The following ANKRD36C variants were observed in gnomAD, a reference collection of about 807,000 sequenced individuals.
The protein encoded by ANKRD36C is ankyrin repeat domain 36C.
ANKRD36C carries 61 observed loss-of-function variants against 276.4 expected under a neutral mutation model. That is an observed-to-expected ratio of 0.22 (90% confidence interval 0.18 to 0.27). The LOEUF is 0.27. Among genes scored for constraint, ANKRD36C ranks in the 10% least tolerant of loss-of-function variants. The pLI is 1.00. For missense variants in ANKRD36C, 1,447 were observed against 2,032.3 expected (o/e 0.71, Z 5.54); for synonymous variants, 483 against 680.1 (o/e 0.71, Z 4.51).
At chr2:95,961,955 G>A (rs1219425468) in intron 8 of ANKRD36C, among the ~76,000 whole-genome samples, 2 of 151,830 alleles carry the variant, frequency 1.3e-5, no homozygotes, top group Non-Finnish European at 2.9e-5. Context: ...TTTCTACATT[G>A]TTTATGGGTT....
rs1356587525 is a variant in ANKRD36C, at chr2:95,960,457, T to C, written c.1003+16A>G. 3 of 1,540,184 alleles carry C rather than the reference T, an allele frequency of 1.9e-6. No individual in the cohort carries two copies. The highest frequency in any genetic ancestry group is 2.4e-5 in the East Asian group (1 of 40,878). ...TCTTCAGTGAACGTGGCATTAAATGTGTATTGCAAAATTACCTGTCCCAGA... is the reference window on the plus strand; with the variant it reads ...TCTTCAGTGAACGTGGCATTAAATGCGTATTGCAAAATTACCTGTCCCAGA... On this transcript the variant is annotated intron_variant, in intron 10 of 66. Coordinates refer to ENST00000456556, the Ensembl canonical transcript of ANKRD36C.
intron 6 of ANKRD36C, among the ~76,000 whole-genome samples, chr2:95,968,218 T>G (rs554283423): frequency 1.3e-5 from 2 of 152,314 alleles, no homozygotes; most frequent in South Asian, 4.1e-4. Flanking sequence ...AGAAACATAC[T>G]TGGAGGCTAT....
Position 95,859,847 on chromosome 2 carries a change from A to G in ANKRD36C, c.3896+14T>C. The G allele has an allele frequency of 6.5e-7, 1 of 1,548,276 alleles. No individual in the cohort carries two copies. Among genetic ancestry groups the G allele is most frequent in the Non-Finnish European group, 8.7e-7 (1 of 1,145,940 alleles). ...AACAAACAGTTCAAACATTTATTTA[A>G]AACTAGGTCATACCTCAAACTACAG... On this transcript the variant is annotated intron_variant, in intron 61 of 66. Coordinates refer to ENST00000456556, the Ensembl canonical transcript of ANKRD36C.
intron 44 of ANKRD36C, among the ~76,000 whole-genome samples, chr2:95,894,782 G>A (rs1412534679): frequency 6.6e-6 from 1 of 151,264 alleles, no homozygotes; most frequent in Non-Finnish European, 1.5e-5. Context: ...GCCAATTCAA[G>A]AAATGTTTCC....
At chr2:95,925,461 T>C in intron 29 of ANKRD36C, 37 bp from the exon 30 acceptor site, 3 of 1,547,504 alleles carry the variant, frequency 1.9e-6, no homozygotes, top group Non-Finnish European at 1.7e-6. Flanking sequence ...CAATACATAA[T>C]ATATATTTCA....
intron 42 of ANKRD36C, chr2:95,910,434 G>C (rs779690078): frequency 1.0e-5 from 16 of 1,564,144 alleles, no homozygotes; most frequent in African/African-American, 1.4e-5. Flanking sequence ...AATCTTCCTC[G>C]TCACTTGTAG....
intron 44 of ANKRD36C, 45 bp from the exon 63 acceptor site, chr2:95,893,769 C>A: frequency 1.2e-6 from 2 of 1,602,494 alleles, no homozygotes; most frequent in Non-Finnish European, 8.5e-7. Flanking sequence ...GTAAATATGA[C>A]AAAGATATCC....
chr2:95,893,176 G>A (rs140233043), intron 44 of ANKRD36C, among the ~76,000 whole-genome samples: 46 of 151,366 alleles, frequency 3.0e-4, no homozygotes, highest in African/African-American at 9.7e-4. Flanking sequence ...GTTTTTAGCA[G>A]TACGATGTGA....
intron 42 of ANKRD36C, among the ~76,000 whole-genome samples, chr2:95,908,033 C>T: frequency 6.6e-6 from 1 of 150,852 alleles, no homozygotes; most frequent in Non-Finnish European, 1.5e-5. Context: ...TCACACCTTC[C>T]TGCCTCACAA....
chr2:95,960,431 A>G (rs1346369124), intron 10 of ANKRD36C, 42 bp downstream of exon 10: 7 of 1,540,034 alleles, frequency 4.5e-6, no homozygotes, highest in Non-Finnish European at 6.1e-6. Flanking sequence ...GTTCTCCTCT[A>G]TCTTCAGTGA....
chr2:95,982,108 G>T (rs4144055), intron 4 of ANKRD36C, 148 bp downstream of exon 4: 222,093 of 620,114 alleles, frequency 0.36, 43,595 homozygotes, highest in East Asian at 0.45. Context: ...TCTAACTAAG[G>T]GATGATCTGT....
Position 95,920,908 on chromosome 2 carries a change from A to G in ANKRD36C, c.2245+699T>C, listed in dbSNP as rs1186857514. ...TATCTCATTTTTATAAGTCAACAAA[A>G]CATGTATCTCTGATGCCTAATAGTA... On this transcript the variant is annotated intron_variant, in intron 34 of 66. Coordinates refer to ENST00000456556, the Ensembl canonical transcript of ANKRD36C. 1.3e-5 allele frequency among the ~76,000 whole-genome samples: 2 copies of G among 150,076 alleles called. 1 individual carries two copies. Among genetic ancestry groups the G allele is most frequent in the African/African-American group, 5.0e-5 (2 of 39,942 alleles).
rs1677373861 is a variant in ANKRD36C at position 95,925,336 on chromosome 2, T to C, written c.2041+16A>G. 1 of 1,571,222 alleles carries C rather than the reference T, an allele frequency of 6.4e-7. No homozygotes were observed. The highest frequency in any genetic ancestry group is 8.6e-7 in the Non-Finnish European group (1 of 1,157,986). On this transcript the variant is annotated intron_variant, in intron 30 of 66. Coordinates refer to ENST00000456556, the Ensembl canonical transcript of ANKRD36C. ...TCTTGAGTGCACATGACATTAAATG[T>C]GTATTGCCAAATTACCTGTTCCAGA... is the stretch of plus-strand genomic sequence containing the variant.
chr2:95,927,448 A>G (rs147780629), intron 26 of ANKRD36C, 39 bp from the exon 27 acceptor site: 6 of 1,604,178 alleles, frequency 3.7e-6, no homozygotes, highest in Middle Eastern at 2.3e-4. Flanking sequence ...TCACATGTAC[A>G]TATGATAAAT....
At chr2:95,977,383 G>GA (rs1290305160) in intron 6 of ANKRD36C, among the ~76,000 whole-genome samples, 35 of 151,936 alleles carry the variant, frequency 2.3e-4, no homozygotes, top group Non-Finnish European at 4.0e-4. Context: ...GTTTTCACAG[G>GA]AAAAAAATTC....
At position 95,989,495 on chromosome 2, in the gene ANKRD36C, A is replaced by G. The variant is rs1679095158; in HGVS notation, c.197+2017T>C. The stretch of plus-strand genomic sequence containing the variant: ...TCAACATACATCTGTATCTACTGAC[A>G]TCTGCAAAGGTCCCATATTGTCCCA... On this transcript the variant is annotated intron_variant, in intron 1 of 66. Transcript: ENST00000456556. 2.6e-5 allele frequency among the ~76,000 whole-genome samples: 4 copies of G among 152,166 alleles called. No homozygotes were observed. In the South Asian group the frequency reaches 8.3e-4, roughly 32 times the overall value.
At chr2:95,926,000 C>G (rs1238954705) in intron 28 of ANKRD36C, among the ~76,000 whole-genome samples, 8 of 151,514 alleles carry the variant, frequency 5.3e-5, no homozygotes, top group Admixed American at 4.6e-4. Flanking sequence ...GGTAATTGAG[C>G]AGGTACACAA....
chr2:95,867,172 G>A (rs1448653669), intron 60 of ANKRD36C, among the ~76,000 whole-genome samples: 1 of 152,156 alleles, frequency 6.6e-6, no homozygotes, highest in African/African-American at 2.4e-5. Flanking sequence ...CATGACCATG[G>A]GTAAAGGGGT....
rs527792130 is a variant in ANKRD36C, at chr2:95,875,125, T to C, written c.3540+1314A>G. On this transcript the variant is annotated intron_variant, in intron 59 of 66. Transcript: ENST00000456556. ...ACCATTGTGGAAGTCAGTGTGGCGA[T>C]TCCTCAGGGATCCAGAACTAGAAAT... 2.0e-5 allele frequency among the ~76,000 whole-genome samples: 3 copies of C among 152,328 alleles called. No homozygotes were observed. The East Asian group carries it at 5.8e-4, about 29-fold the overall frequency.
Sources: gnomAD v4.1 joint callset for allele counts (sites outside exome capture counted in the v4.1 genomes callset) on GRCh38, gnomAD v4.1.1 for gene constraint, MANE v1.5 for transcripts, NCBI Gene and HGNC (gene_info 2026-07-23, HGNC 2026-07-21) for gene names.